Variants in CHD1L observed in about 807,000 individuals in gnomAD.
The protein encoded by CHD1L is ATP-dependent chromatin remodeler CHD1L.
CHD1L carries 118 observed loss-of-function variants against 115.9 expected under a neutral mutation model. The observed-to-expected ratio is 1.02, with a 90% CI of 0.88 to 1.19. The LOEUF (loss-of-function observed/expected upper bound fraction) is 1.19, where lower values mean the gene tolerates loss of function less well. Among genes scored for constraint, CHD1L ranks in the 50% most tolerant of loss-of-function variants. The pLI is 0.00. For synonymous variants in CHD1L, 411 were observed against 387.1 expected, an observed-to-expected ratio of 1.06 and a Z score of -0.72; for missense variants, 1,179 against 1,065.3, an observed-to-expected ratio of 1.11 and a Z score of -1.49.
chr1:147,286,737 A>G (rs1394590837), intron 18 of CHD1L, among the ~76,000 whole-genome samples: 5 of 152,200 alleles, frequency 3.3e-5, no homozygotes, highest in Admixed American at 6.5e-5. Context: ...TGATGGGACA[A>G]TATCTGTCTT....
At chr1:147,234,794 G>T in the CHD1L span, among the ~76,000 whole-genome samples, 1 of 152,120 alleles carries the variant, frequency 6.6e-6, no homozygotes. Context: ...AATTATGAAA[G>T]ATTTTAACCA....
chr1:147,287,726 A>G lies in CHD1L; in HGVS notation c.2313A>G (p.Lys771=). The G allele has an allele frequency of 6.2e-7, 1 of 1,613,852 alleles. No individual in the cohort carries two copies. The highest frequency in any genetic ancestry group is 8.5e-7 in the Non-Finnish European group (1 of 1,179,932). The change falls in exon 19 of 23, where the codon AAA becomes AAG. Residue 771 remains lysine (K), a synonymous_variant. Transcript: ENST00000369258. ...EPRKIYELAG[K]MKDLSLGGVL... is the part of the protein sequence containing the mutation. ...GAAAAATATATGAGCTGGCTGGGAA[A>G]ATGAAAGGTAAGAAGCAAAGCAGAG...
Position 147,285,504 on chromosome 1 carries a change from C to A in CHD1L, c.2018+17C>A. 1 of 1,601,428 alleles carries A rather than the reference C, an allele frequency of 6.2e-7. No individual in the cohort carries two copies. The highest frequency in any genetic ancestry group is 8.5e-7 in the Non-Finnish European group (1 of 1,175,726). On this transcript the variant is annotated intron_variant, in intron 17 of 22. Transcript: ENST00000369258. ...TAAGAAAAAGTATGTCTGCGTTAAC[C>A]AAGCTGGCGGCCACAGTTGAAGGAG...
intron 1 of CHD1L, among the ~76,000 whole-genome samples, chr1:147,250,236 C>T (rs1212332085): frequency 6.6e-6 from 1 of 151,940 alleles, no homozygotes; most frequent in Non-Finnish European, 1.5e-5. Flanking sequence ...GTGTTGGCAC[C>T]TATTGATTAT....
At chr1:147,262,195 CAAAA>C (rs11346769) in intron 6 of CHD1L, among the ~76,000 whole-genome samples, 1 of 126,104 alleles carries the variant, frequency 7.9e-6, no homozygotes. Context: ...GACTCTGTCT[CAAAA>C]AAAAAAAAAA....
intron 1 of CHD1L, among the ~76,000 whole-genome samples, chr1:147,248,950 G>T (rs768744416): frequency 3.7e-4 from 56 of 152,076 alleles, no homozygotes; most frequent in Non-Finnish European, 7.6e-4. Context: ...TATAATCTTT[G>T]CTTCAGCGGT....
chr1:147,276,376 T>C (rs1678487174), intron 14 of CHD1L, 119 bp downstream of exon 14: 1 of 1,015,518 alleles, frequency 9.8e-7, no homozygotes, highest in Non-Finnish European at 1.4e-6. Context: ...TTCCTTGGCC[T>C]CCCTCACACC....
chr1:147,179,341 A>G, the CHD1L span: 1 of 1,603,334 alleles, frequency 6.2e-7, no homozygotes, highest in Non-Finnish European at 8.5e-7. Context: ...TGGTCACTGT[A>G]AGAACCTGGA....
chr1:147,215,509 A>C, the CHD1L span: 1 of 454,506 alleles, frequency 2.2e-6, no homozygotes, highest in East Asian at 3.8e-5. Flanking sequence ...ATGTGAAATG[A>C]AGGTAATGAA....
At chr1:147,235,086 A>AGTGTGTGTGTGTGTGTGTGT in the CHD1L span, among the ~76,000 whole-genome samples, 1 of 96,494 alleles carries the variant, frequency 1.0e-5, no homozygotes, top group African/African-American at 4.3e-5. Flanking sequence ...GATATCCCAC[A>AGTGTGTGTGTGTGTGTGTGT]CTGTGTGTGT....
At chr1:147,291,437 G>T in intron 19 of CHD1L, 45 bp from the exon 20 acceptor site, 1 of 1,490,612 alleles carries the variant, frequency 6.7e-7, no homozygotes, top group South Asian at 1.1e-5. Context: ...TCATTCATTA[G>T]TGAACTTGGT....
upstream of CHD1L, among the ~76,000 whole-genome samples, chr1:147,238,126 A>G (rs1553930152): frequency 6.6e-6 from 1 of 152,190 alleles, no homozygotes; most frequent in Non-Finnish European, 1.5e-5. Flanking sequence ...CTGGCATCAA[A>G]AGTCAAAACA....
At chr1:147,194,706 G>A in the CHD1L span, among the ~76,000 whole-genome samples, 1 of 151,934 alleles carries the variant, frequency 6.6e-6, no homozygotes, top group Non-Finnish European at 1.5e-5. Context: ...AGGCCTGGTG[G>A]TCACAAAATC....
At chr1:147,229,492 G>C in the CHD1L span, among the ~76,000 whole-genome samples, 2 of 152,156 alleles carry the variant, frequency 1.3e-5, no homozygotes, top group African/African-American at 4.8e-5. Context: ...GGCGATGCGG[G>C]CTCTTTTTTG....
chr1:147,272,816 C>T (rs1553954407), intron 12 of CHD1L, among the ~76,000 whole-genome samples: 1 of 150,540 alleles, frequency 6.6e-6, no homozygotes, highest in Admixed American at 6.6e-5. Flanking sequence ...AATGCTTTAC[C>T]AGTTACAGAG....
the CHD1L span, among the ~76,000 whole-genome samples, chr1:147,219,922 C>T: frequency 1.3e-5 from 2 of 151,190 alleles, no homozygotes; most frequent in Admixed American, 6.6e-5. Flanking sequence ...CACCACAACC[C>T]CTGCCTCCCG....
chr1:147,287,602 C>A, intron 18 of CHD1L, 33 bp from the exon 19 acceptor site: 1 of 1,542,472 alleles, frequency 6.5e-7, no homozygotes, highest in South Asian at 1.1e-5. Flanking sequence ...ACTTCACCTC[C>A]TATAGATGAA....
chr1:147,295,412 C>T lies in CHD1L; in HGVS notation c.2616-19C>T. Reference sequence around the variant, plus strand: ...GGTTTAAAGTGATGACATGTATCTTCCTTGACCATCCTTATCAGATATTAT... The same window carrying T: ...GGTTTAAAGTGATGACATGTATCTTTCTTGACCATCCTTATCAGATATTAT... On this transcript the variant is annotated intron_variant, in intron 22 of 22. Transcript: ENST00000369258. 1 of 1,563,828 alleles carries T rather than the reference C, an allele frequency of 6.4e-7. No homozygotes were observed. The highest frequency in any genetic ancestry group is 8.8e-7 in the Non-Finnish European group (1 of 1,136,418).
At chr1:147,225,809 G>A in the CHD1L span, 3 of 152,196 alleles carry the variant, frequency 2.0e-5, no homozygotes. Context: ...AAAGAAGGAA[G>A]AGGTTTTTAT....
Sources: allele counts gnomAD v4.1 joint callset (sites outside exome capture counted in the v4.1 genomes callset), GRCh38; gene constraint gnomAD v4.1.1; transcripts MANE v1.5; gene names NCBI Gene and HGNC (gene_info 2026-07-23, HGNC 2026-07-21).